DNAH5: variants seen among roughly 807,000 people sequenced by gnomAD.
DNAH5 encodes the protein dynein axonemal heavy chain 5, also known as axonemal beta dynein heavy chain 5.
In DNAH5, 372 loss-of-function variants were observed where a neutral mutation model predicts 518.2. The ratio of observed to expected loss-of-function variants is 0.72; its 90% CI spans 0.66 to 0.78. DNAH5 has a LOEUF of 0.78. Ranked by LOEUF, DNAH5 falls within the 30% of genes least tolerant of loss-of-function variation. The pLI is 0.00. For missense variants in DNAH5, 5,523 were observed against 5,687.0 expected (o/e 0.97, Z 0.93); for synonymous variants, 2,039 against 2,025.9 (o/e 1.01, Z -0.17).
At chr5:13,870,086 G>A (rs1219944773) in intron 24 of DNAH5, among the ~76,000 whole-genome samples, 1 of 152,080 alleles carries the variant, frequency 6.6e-6, no homozygotes, top group Non-Finnish European at 1.5e-5. Flanking sequence ...GTATGATATG[G>A]TATACAAATA....
chr5:13,722,272 C>T (rs1181662494), intron 70 of DNAH5, among the ~76,000 whole-genome samples: 1 of 152,200 alleles, frequency 6.6e-6, no homozygotes, highest in Non-Finnish European at 1.5e-5. Flanking sequence ...AGTCATTATC[C>T]TTGACTTTAA....
intron 47 of DNAH5, among the ~76,000 whole-genome samples, chr5:13,797,598 T>C (rs1056844106): frequency 6.6e-6 from 1 of 152,212 alleles, no homozygotes; most frequent in African/African-American, 2.4e-5. Flanking sequence ...GTTTTTACAC[T>C]GTTGGTGGGA....
At chr5:13,822,582 G>A (rs1457214704) in intron 40 of DNAH5, among the ~76,000 whole-genome samples, 2 of 152,134 alleles carry the variant, frequency 1.3e-5, no homozygotes, top group Non-Finnish European at 2.9e-5. Context: ...TATTTTCAAG[G>A]AATTGAAGTG....
At chr5:14,007,424 C>A (rs542581329) in intron 1 of DNAH5, among the ~76,000 whole-genome samples, 1 of 152,276 alleles carries the variant, frequency 6.6e-6, no homozygotes, top group East Asian at 1.9e-4. Context: ...GAGGCCACAT[C>A]CTCACAGCCA....
chr5:13,867,413 A>G (rs1769411602), intron 25 of DNAH5, among the ~76,000 whole-genome samples: 1 of 152,072 alleles, frequency 6.6e-6, no homozygotes, highest in Non-Finnish European at 1.5e-5. Context: ...TTCGCTCAGC[A>G]TTCTCCTTCC....
chr5:13,983,440 T>C lies in DNAH5; in HGVS notation c.12+28208A>G, dbSNP rs186773969. Among the ~76,000 whole-genome samples the C allele has an allele frequency of 2.6e-5, 4 of 152,320 alleles. No homozygotes were observed. The East Asian group carries it at 7.7e-4, about 29-fold the overall frequency. On this transcript the variant is annotated intron_variant, in intron 1 of 78. Transcript: ENST00000681290. ...TGTGTGGGGAGGTTATAGCTATTGATATTTACTGTACAAAAATTAAAACTG... is the reference window on the plus strand; with the variant it reads ...TGTGTGGGGAGGTTATAGCTATTGACATTTACTGTACAAAAATTAAAACTG...
At chr5:13,922,423 T>G in intron 4 of DNAH5, 95 bp from the exon 5 acceptor site, 1 of 1,233,758 alleles carries the variant, frequency 8.1e-7, no homozygotes, top group Non-Finnish European at 1.2e-6. Flanking sequence ...CTTTACCAAA[T>G]ACCCAGTAAA....
chr5:13,827,701 A>C (rs1190301961), intron 38 of DNAH5, among the ~76,000 whole-genome samples: 4 of 151,786 alleles, frequency 2.6e-5, no homozygotes, highest in Non-Finnish European at 4.4e-5. Context: ...CCAGGGGCAA[A>C]ATGATATGAT....
chr5:13,851,052 TACA>T (rs536201822), intron 30 of DNAH5, among the ~76,000 whole-genome samples: 227 of 152,298 alleles, frequency 1.5e-3, no homozygotes, highest in African/African-American at 5.1e-3. Flanking sequence ...TATGTTAAGT[TACA>T]ACAAGAAATG....
In DNAH5 at chr5:13,753,410, C is replaced by T; in HGVS notation, c.10695G>A (p.Glu3565=). ...TAATAGTAGGAGCATCAATCAACAT[C>T]TCACTGAGATTTAGGTTCTTTCCAA... The part of the protein sequence containing the change: ...IPFGKNLNLS[E]MLIDAPTISE... The change falls in exon 63 of 79, where the codon GAG becomes GAA. Residue 3565 remains glutamate, a synonymous_variant. Transcript: ENST00000265104. 3 of 1,614,074 alleles carry T rather than the reference C, an allele frequency of 1.9e-6. No homozygotes were observed. The highest frequency in any genetic ancestry group is 2.5e-6 in the Non-Finnish European group (3 of 1,179,982).
intron 58 of DNAH5, among the ~76,000 whole-genome samples, chr5:13,768,621 G>A (rs1752855938): frequency 6.6e-6 from 1 of 152,136 alleles, no homozygotes; most frequent in African/African-American, 2.4e-5. Flanking sequence ...TGGCCTCAAT[G>A]AATGAATGAG....
rs145877587 is a variant in DNAH5, at chr5:13,700,762, T to A, written c.13601A>T (p.Tyr4534Phe). 6.2e-7 allele frequency: 1 copy of A among 1,614,030 alleles called. No individual in the cohort carries two copies. Among genetic ancestry groups the A allele is most frequent in the Non-Finnish European group, 8.5e-7 (1 of 1,180,006 alleles). The change falls in exon 78 of 79, where the codon TAT (tyrosine) becomes TTT (phenylalanine). Residue 4534 changes from tyrosine to phenylalanine, a missense_variant. Tyr to Phe is a conservative substitution (Grantham distance 22, BLOSUM62 3). Around this residue, in one of 3 missense-constraint regions of DNAH5, gnomAD observed 387 missense variants for 430.0 expected, o/e 0.90. Transcript: ENST00000265104. ...DISAPPTEGV[Y>F]VYGLYLEGAG... ...ACCTTCAAGATATAAGCCATAGACA[T>A]AGACACCCTCTGTGGGAGGGGCAGA...
At chr5:13,960,734 C>A (rs1046867932) in intron 1 of DNAH5, among the ~76,000 whole-genome samples, 37 of 152,222 alleles carry the variant, frequency 2.4e-4, no homozygotes, top group Non-Finnish European at 4.3e-4. Context: ...CCCTGGGAGT[C>A]CCTCAGTATC....
intron 22 of DNAH5, among the ~76,000 whole-genome samples, chr5:13,874,963 A>G (rs572336659): frequency 1.3e-5 from 2 of 152,344 alleles, no homozygotes; most frequent in South Asian, 2.1e-4. Flanking sequence ...TGGTTGAGGC[A>G]GAATCATTCA....
intron 22 of DNAH5, among the ~76,000 whole-genome samples, chr5:13,875,522 T>C (rs1166330649): frequency 6.6e-6 from 1 of 151,252 alleles, no homozygotes; most frequent in Non-Finnish European, 1.5e-5. Flanking sequence ...CAGCACTGTA[T>C]GTTAACTATG....
intron 35 of DNAH5, among the ~76,000 whole-genome samples, chr5:13,836,739 C>G (rs1481774970): frequency 6.6e-6 from 1 of 152,204 alleles, no homozygotes; most frequent in East Asian, 1.9e-4. Context: ...GCTAATGGGA[C>G]TTTGCAGATG....
At chr5:13,965,549 G>A (rs1239551837) in intron 1 of DNAH5, among the ~76,000 whole-genome samples, 1 of 152,062 alleles carries the variant, frequency 6.6e-6, no homozygotes, top group African/African-American at 2.4e-5. Flanking sequence ...TTTGTTTAAG[G>A]CATTATTTGG....
chr5:13,911,007 A>T (rs1481404070), intron 12 of DNAH5, among the ~76,000 whole-genome samples: 1 of 152,218 alleles, frequency 6.6e-6, no homozygotes, highest in African/African-American at 2.4e-5. Context: ...GGAATCTGCC[A>T]GACATTGCTG....
intron 1 of DNAH5, among the ~76,000 whole-genome samples, chr5:13,940,830 G>A (rs1265031201): frequency 2.0e-5 from 3 of 152,170 alleles, no homozygotes; most frequent in South Asian, 2.1e-4. Context: ...TGCAAAAATT[G>A]AATGATAGAA....
Sources: allele counts gnomAD v4.1 joint callset (sites outside exome capture counted in the v4.1 genomes callset), GRCh38; gene constraint gnomAD v4.1.1; regional missense constraint gnomAD v4.1.1; transcripts MANE v1.5; gene names NCBI Gene and HGNC (gene_info 2026-07-23, HGNC 2026-07-21).